AFF1: variants seen among roughly 807,000 people sequenced by gnomAD.
AFF1 encodes the protein ALF transcription elongation factor 1.
Under a neutral mutation model 121.7 loss-of-function variants are expected in AFF1, and 48 were observed. That is an observed-to-expected ratio of 0.39 (90% CI 0.31 to 0.50). The LOEUF is 0.50. Among genes scored for constraint, AFF1 ranks in the 20% least tolerant of loss-of-function variants. The pLI, the probability that AFF1 is intolerant of heterozygous loss-of-function variation, is 0.76. For synonymous variants in AFF1, 613 were observed against 563.0 expected, an observed-to-expected ratio of 1.09 and a Z score of -1.26; for missense variants, 1,523 against 1,511.7, an observed-to-expected ratio of 1.01 and a Z score of -0.12.
At chr4:87,021,817 A>G (rs1461920598) in intron 2 of AFF1, among the ~76,000 whole-genome samples, 2 of 152,232 alleles carry the variant, frequency 1.3e-5, no homozygotes, top group African/African-American at 2.4e-5. Flanking sequence ...ACATAGGGGA[A>G]AAAGGGGTTG....
intron 2 of AFF1, among the ~76,000 whole-genome samples, chr4:86,966,590 G>C (rs1291240546): frequency 6.7e-6 from 1 of 148,824 alleles, no homozygotes; most frequent in Non-Finnish European, 1.5e-5. Context: ...TGGCTCACAG[G>C]AAAAAAAAAA....
chr4:87,115,293 G>A lies in AFF1; in HGVS notation c.2460G>A (p.Lys820=), dbSNP rs769226898. 32 of 1,592,982 alleles carry A rather than the reference G, an allele frequency of 2.0e-5. No individual in the cohort carries two copies. Among genetic ancestry groups the A allele is most frequent in the Non-Finnish European group, 2.5e-5 (29 of 1,169,882 alleles). ...SSDSSSKLAK[K]RKGEAERDCD... ...ACAGCTCAAGCAAGTTGGCCAAAAA[G>A]AGAAAGGTGAGTGTGGGGAGACTGC... Residue 820 remains lysine, a synonymous_variant, in exon 12 of 21, where the codon AAG becomes AAA. Coordinates refer to ENST00000395146, the MANE Select transcript of AFF1 (RefSeq NM_001166693.3).
At chr4:87,023,113 T>A (rs1462015487) in intron 2 of AFF1, among the ~76,000 whole-genome samples, 1 of 152,070 alleles carries the variant, frequency 6.6e-6, no homozygotes, top group African/African-American at 2.4e-5. Flanking sequence ...CTTTCTTTGT[T>A]GTTCAGGCTG....
intron 2 of AFF1, among the ~76,000 whole-genome samples, chr4:86,952,499 T>A (rs1339379713): frequency 1.3e-5 from 2 of 152,198 alleles, no homozygotes; most frequent in East Asian, 3.8e-4. Context: ...AAAAGATGTT[T>A]TAGCTTAAAA....
chr4:87,129,839 G>A (rs575972638), intron 16 of AFF1, among the ~76,000 whole-genome samples: 120 of 152,314 alleles, frequency 7.9e-4, no homozygotes, highest in Non-Finnish European at 1.4e-3. Context: ...ACTGGGAGAA[G>A]CGTTGTTTCT....
chr4:87,037,127 AT>A (rs970134147), intron 2 of AFF1, among the ~76,000 whole-genome samples: 3 of 152,188 alleles, frequency 2.0e-5, no homozygotes, highest in African/African-American at 4.8e-5. Context: ...ACACTCCAGT[AT>A]TTCTTTATCC....
chr4:87,068,450 A>G (rs541762009), intron 4 of AFF1, among the ~76,000 whole-genome samples: 26 of 152,350 alleles, frequency 1.7e-4, no homozygotes, highest in South Asian at 1.0e-3. Flanking sequence ...CTTGTGTGCT[A>G]TCATCTACTT....
chr4:87,051,462 T>C (rs1731250438), intron 4 of AFF1, among the ~76,000 whole-genome samples: 1 of 151,522 alleles, frequency 6.6e-6, no homozygotes, highest in African/African-American at 2.4e-5. Flanking sequence ...GTATTTTGTT[T>C]GTTTTGTTTT....
chr4:87,095,187 C>T (rs991748404), intron 8 of AFF1, among the ~76,000 whole-genome samples: 25 of 152,142 alleles, frequency 1.6e-4, no homozygotes, highest in African/African-American at 5.3e-4. Flanking sequence ...GGCATGATCT[C>T]GGCTCACTGC....
At chr4:87,128,503 T>C (rs1728509454) in intron 16 of AFF1, among the ~76,000 whole-genome samples, 2 of 152,214 alleles carry the variant, frequency 1.3e-5, no homozygotes, top group Admixed American at 1.3e-4. Flanking sequence ...AAAACCTCCC[T>C]GGAAAGCCAT....
chr4:87,077,555 A>C (rs1228002975), intron 4 of AFF1, among the ~76,000 whole-genome samples: 1 of 152,032 alleles, frequency 6.6e-6, no homozygotes, highest in Non-Finnish European at 1.5e-5. Flanking sequence ...ATACATTGAA[A>C]ATCTTCCCCC....
chr4:87,040,553 A>G (rs1730026554), intron 2 of AFF1, among the ~76,000 whole-genome samples: 3 of 145,492 alleles, frequency 2.1e-5, no homozygotes, highest in South Asian at 4.3e-4. Flanking sequence ...GAGCAAGTCA[A>G]TCCCCTCACC....
At chr4:87,089,194 T>C (rs1333020678) in intron 5 of AFF1, among the ~76,000 whole-genome samples, 1 of 152,164 alleles carries the variant, frequency 6.6e-6, no homozygotes, top group Non-Finnish European at 1.5e-5. Flanking sequence ...TCCAATGCCA[T>C]TTTGGCCTTT....
chr4:86,969,793 T>G (rs1722801033), intron 2 of AFF1, among the ~76,000 whole-genome samples: 1 of 139,832 alleles, frequency 7.2e-6, no homozygotes, highest in South Asian at 2.3e-4. Context: ...GGCGGAAGAA[T>G]GGCGTGAACC....
intron 2 of AFF1, among the ~76,000 whole-genome samples, chr4:87,037,504 G>A (rs1185214691): frequency 1.3e-5 from 2 of 152,004 alleles, no homozygotes; most frequent in Non-Finnish European, 1.5e-5. Context: ...GTGGAGATGG[G>A]GTTTCACCAT....
intron 4 of AFF1, among the ~76,000 whole-genome samples, chr4:87,065,600 G>C (rs1048698766): frequency 1.3e-5 from 2 of 151,940 alleles, no homozygotes; most frequent in African/African-American, 4.8e-5. Flanking sequence ...AAGTAGTATA[G>C]AAATGACCGA....
chr4:86,948,585 C>T lies in AFF1; in HGVS notation c.38+14C>T. Reference sequence around the variant, plus strand: ...CAGTGGCAACAGGTAAGCATAGAATCTATGATTCAAAGACATGCTGATATT... The same window carrying T: ...CAGTGGCAACAGGTAAGCATAGAATTTATGATTCAAAGACATGCTGATATT... On this transcript the variant is annotated intron_variant, in intron 2 of 20. Coordinates refer to ENST00000395146, the MANE Select transcript of AFF1 (RefSeq NM_001166693.3). 1.3e-6 allele frequency: 2 copies of T among 1,533,772 alleles called. No individual in the cohort carries two copies. The highest frequency in any genetic ancestry group is 1.7e-6 in the Non-Finnish European group (2 of 1,144,354).
chr4:87,036,666 A>T (rs1044374548), intron 2 of AFF1: 26 of 322,286 alleles, frequency 8.1e-5, no homozygotes, highest in Non-Finnish European at 1.8e-5. Flanking sequence ...TTCTATCTGT[A>T]AGGTAAAAAA....
chr4:87,022,664 G>GTGTGTATATATATAGC (rs1553918513), intron 2 of AFF1, among the ~76,000 whole-genome samples: 10,665 of 143,450 alleles, frequency 0.074, 1,224 homozygotes, highest in African/African-American at 0.23. Context: ...ATATATATGT[G>GTGTGTATATATATAGC]TGTGTATATA....
Sources: gnomAD v4.1 joint callset for allele counts (sites outside exome capture counted in the v4.1 genomes callset) on GRCh38, gnomAD v4.1.1 for gene constraint, MANE v1.5 for transcripts, NCBI Gene and HGNC (gene_info 2026-07-23, HGNC 2026-07-21) for gene names.